The following ACTR3C variants were observed in gnomAD, a reference collection of about 807,000 sequenced individuals.
ACTR3C encodes the protein actin related protein 3C, also known as actin-related protein 3C.
Under a neutral mutation model 26.3 loss-of-function variants are expected in ACTR3C, and 18 were observed. The ratio of observed to expected loss-of-function variants is 0.68; its 90% CI spans 0.47 to 1.01. ACTR3C has a LOEUF of 1.01. Among genes scored for constraint, ACTR3C ranks in the 50% least tolerant of loss-of-function variants. The probability of loss-of-function intolerance (pLI) is 0.00; values close to 1 mark genes in which losing one functional copy is unlikely to be tolerated. For synonymous variants in ACTR3C, 55 were observed against 94.5 expected, an observed-to-expected ratio of 0.58 and a Z score of 2.42; for missense variants, 184 against 250.7, an observed-to-expected ratio of 0.73 and a Z score of 1.80.
chr7:150,263,809 A>G (rs1168075895), intron 6 of ACTR3C, among the ~76,000 whole-genome samples: 1 of 152,264 alleles, frequency 6.6e-6, no homozygotes, highest in African/African-American at 2.4e-5. Context: ...AATGTTTTAA[A>G]TGCATTCATT....
chr7:149,961,253 A>C, the ACTR3C span, among the ~76,000 whole-genome samples: 1 of 151,758 alleles, frequency 6.6e-6, no homozygotes, highest in Non-Finnish European at 1.5e-5. Context: ...GCTCATGGGA[A>C]GTGTATACTC....
chr7:149,998,035 C>T, the ACTR3C span, among the ~76,000 whole-genome samples: 2 of 151,254 alleles, frequency 1.3e-5, no homozygotes, highest in Non-Finnish European at 2.9e-5. Flanking sequence ...ATCATGGAGG[C>T]TCCCACAATA....
the ACTR3C span, among the ~76,000 whole-genome samples, chr7:149,893,367 A>G: frequency 6.6e-6 from 1 of 152,348 alleles, no homozygotes; most frequent in East Asian, 1.9e-4. Context: ...GTCAGATAAC[A>G]TCCATCTTTT....
At chr7:149,900,211 T>G in the ACTR3C span, among the ~76,000 whole-genome samples, 1 of 152,064 alleles carries the variant, frequency 6.6e-6, no homozygotes. Flanking sequence ...AGTATCGCTC[T>G]GTCACCCAGG....
downstream of ACTR3C, among the ~76,000 whole-genome samples, chr7:150,239,053 T>C (rs1016295015): frequency 2.0e-5 from 3 of 152,012 alleles, no homozygotes; most frequent in Non-Finnish European, 4.4e-5. Context: ...ACTGGTTTGT[T>C]TTCATCCACC....
At chr7:149,928,258 C>T in the ACTR3C span, among the ~76,000 whole-genome samples, 1 of 147,186 alleles carries the variant, frequency 6.8e-6, no homozygotes, top group African/African-American at 2.5e-5. Context: ...AGTGCAGTGG[C>T]GCGATCTCAG....
the ACTR3C span, among the ~76,000 whole-genome samples, chr7:149,968,476 T>A: frequency 1.1e-4 from 16 of 152,300 alleles, no homozygotes; most frequent in African/African-American, 3.8e-4. Context: ...GAGTTTGCAG[T>A]GAGCTGAGAT....
the ACTR3C span, among the ~76,000 whole-genome samples, chr7:150,088,559 T>G: frequency 1.3e-5 from 2 of 152,352 alleles, no homozygotes; most frequent in African/African-American, 4.8e-5. Context: ...AGTTGCTTAA[T>G]GTTTCTGAGC....
In ACTR3C at chr7:150,288,456, C is replaced by T. The variant is rs527589795; in HGVS notation, c.297+994G>A. 1.2e-4 allele frequency among the ~76,000 whole-genome samples: 17 copies of T among 136,396 alleles called. 2 individuals carry two copies. In the South Asian group the frequency reaches 2.5e-3, roughly 20 times the overall value. 89.5% of individuals were successfully genotyped at this position (136,396 alleles called of 152,430 possible). On this transcript the variant is annotated intron_variant, in intron 4 of 7. Transcript: ENST00000683684. Reference sequence around the variant, plus strand: ...ATAGAGACGAGATCTCGCTATATCACCTGGGCTAGTTTCGAACCCTGGCTC... The same window carrying T: ...ATAGAGACGAGATCTCGCTATATCATCTGGGCTAGTTTCGAACCCTGGCTC...
At chr7:150,014,080 A>G in the ACTR3C span, among the ~76,000 whole-genome samples, 6 of 152,326 alleles carry the variant, frequency 3.9e-5, no homozygotes, top group African/African-American at 1.4e-4. Flanking sequence ...GGTAGTCAAA[A>G]TGAGGCCCAT....
intron 1 of ACTR3C, among the ~76,000 whole-genome samples, chr7:150,316,965 GT>G (rs1339288688): frequency 6.6e-6 from 1 of 151,284 alleles, no homozygotes; most frequent in Non-Finnish European, 1.5e-5. Flanking sequence ...AAAAGTTTTG[GT>G]TTTTTTTCAC....
At chr7:150,158,284 G>T in the ACTR3C span, among the ~76,000 whole-genome samples, 1,284 of 151,816 alleles carry the variant, frequency 8.5e-3, 20 homozygotes, top group African/African-American at 0.029. Flanking sequence ...TAGTATGGAG[G>T]TTCCACAAAA....
chr7:149,949,405 A>G, the ACTR3C span, among the ~76,000 whole-genome samples: 1 of 145,382 alleles, frequency 6.9e-6, no homozygotes, highest in Non-Finnish European at 1.5e-5. Context: ...GAAGGAAGGA[A>G]GGAAGGAAGG....
the ACTR3C span, among the ~76,000 whole-genome samples, chr7:150,072,574 C>T: frequency 6.9e-6 from 1 of 144,692 alleles, no homozygotes; most frequent in Non-Finnish European, 1.5e-5. Context: ...GCCTGGGCAC[C>T]TGGGCAGCCC....
the ACTR3C span, among the ~76,000 whole-genome samples, chr7:149,971,593 C>T: frequency 2.6e-5 from 4 of 152,136 alleles, no homozygotes; most frequent in Admixed American, 6.5e-5. Flanking sequence ...GAAATGTAGG[C>T]GGTATATAAA....
At chr7:150,039,986 C>G in the ACTR3C span, among the ~76,000 whole-genome samples, 2,383 of 128,022 alleles carry the variant, frequency 0.019, 108 homozygotes, top group African/African-American at 0.062. Context: ...GGATTGCCTC[C>G]CCCACTGCGA....
At chr7:150,262,869 G>A (rs1478982352) in intron 6 of ACTR3C, among the ~76,000 whole-genome samples, 10 of 152,180 alleles carry the variant, frequency 6.6e-5, no homozygotes, top group East Asian at 1.9e-4. Context: ...AAGATATCTC[G>A]CCCCCAAGGG....
At chr7:150,119,187 C>G in the ACTR3C span, among the ~76,000 whole-genome samples, 2 of 152,076 alleles carry the variant, frequency 1.3e-5, no homozygotes, top group African/African-American at 4.8e-5. Context: ...AACTAATGGG[C>G]AAAATAACCA....
chr7:149,927,560 C>G, the ACTR3C span, among the ~76,000 whole-genome samples: 9 of 151,964 alleles, frequency 5.9e-5, no homozygotes, highest in Admixed American at 1.3e-4. Context: ...GAAACCCCGT[C>G]TCTATTAAAA....
Sources: allele counts gnomAD v4.1 joint callset (sites outside exome capture counted in the v4.1 genomes callset), GRCh38; gene constraint gnomAD v4.1.1; transcripts MANE v1.5; gene names NCBI Gene and HGNC (gene_info 2026-07-23, HGNC 2026-07-21).